PTPRD: variants seen among roughly 807,000 people sequenced by gnomAD.
PTPRD encodes the protein protein tyrosine phosphatase receptor type D, also known as receptor-type tyrosine-protein phosphatase delta.
PTPRD carries 34 observed loss-of-function variants against 214.5 expected under a neutral mutation model. The observed-to-expected ratio is 0.16, with a 90% CI of 0.12 to 0.21. The LOEUF is 0.21. Among genes scored for constraint, PTPRD ranks in the 10% least tolerant of loss-of-function variants. The pLI, the probability that PTPRD is intolerant of heterozygous loss-of-function variation, is 1.00. For synonymous variants in PTPRD, 1,128 were observed against 845.7 expected (o/e 1.33, Z -5.79); for missense variants, 2,545 against 2,398.7 (o/e 1.06, Z -1.27).
intron 11 of PTPRD, among the ~76,000 whole-genome samples, chr9:8,956,126 G>C (rs1193249375): frequency 6.6e-6 from 1 of 151,868 alleles, no homozygotes; most frequent in Non-Finnish European, 1.5e-5. Flanking sequence ...TACAATGTCA[G>C]AAACATAAGG....
At chr9:10,429,612 T>G (rs1484937366) in intron 2 of PTPRD, among the ~76,000 whole-genome samples, 1 of 151,452 alleles carries the variant, frequency 6.6e-6, no homozygotes, top group Non-Finnish European at 1.5e-5. Flanking sequence ...CACTCATAAG[T>G]GAGGGATAAA....
chr9:8,630,669 C>T (rs999273132), intron 14 of PTPRD, among the ~76,000 whole-genome samples: 2 of 151,814 alleles, frequency 1.3e-5, no homozygotes, highest in Admixed American at 1.3e-4. Flanking sequence ...AGTATACTTA[C>T]ATATGACAGA....
intron 37 of PTPRD, among the ~76,000 whole-genome samples, chr9:8,388,067 C>T (rs2087867709): frequency 6.6e-6 from 1 of 152,166 alleles, no homozygotes; most frequent in Non-Finnish European, 1.5e-5. Flanking sequence ...TTGAAAAGAT[C>T]TAATTGCTTT....
chr9:9,320,266 T>C (rs192798486), intron 9 of PTPRD, among the ~76,000 whole-genome samples: 10 of 152,244 alleles, frequency 6.6e-5, no homozygotes, highest in South Asian at 2.1e-4. Context: ...ACTTTTTTTT[T>C]CCCTCACATA....
chr9:10,006,499 A>G (rs1251335164), intron 4 of PTPRD, among the ~76,000 whole-genome samples: 2 of 151,994 alleles, frequency 1.3e-5, no homozygotes, highest in East Asian at 3.9e-4. Flanking sequence ...AGAATAAGCT[A>G]TATTTGGATC....
intron 9 of PTPRD, among the ~76,000 whole-genome samples, chr9:9,299,240 A>G (rs1242443068): frequency 1.3e-5 from 2 of 151,794 alleles, no homozygotes; most frequent in African/African-American, 4.8e-5. Context: ...TTAATTAGTG[A>G]AAAAGCAAAT....
chr9:8,975,751 A>G (rs931597224), intron 11 of PTPRD, among the ~76,000 whole-genome samples: 3 of 151,362 alleles, frequency 2.0e-5, no homozygotes, highest in African/African-American at 7.3e-5. Context: ...TTTCCTGCAG[A>G]AAAGATGGAA....
chr9:9,195,885 T>C (rs1051256276), intron 9 of PTPRD, among the ~76,000 whole-genome samples: 1 of 152,280 alleles, frequency 6.6e-6, no homozygotes, highest in African/African-American at 2.4e-5. Context: ...ATTGTTTCAT[T>C]ATTATTAAAT....
chr9:10,451,117 C>G (rs907232258), intron 2 of PTPRD, among the ~76,000 whole-genome samples: 1 of 151,714 alleles, frequency 6.6e-6, no homozygotes, highest in Admixed American at 6.6e-5. Flanking sequence ...TTTAAGTATA[C>G]GTATTTTGAT....
At chr9:9,853,544 T>C (rs1428372416) in intron 5 of PTPRD, among the ~76,000 whole-genome samples, 1 of 152,006 alleles carries the variant, frequency 6.6e-6, no homozygotes, top group African/African-American at 2.4e-5. Context: ...TAAGGGTTTT[T>C]TTTGTTGTTT....
intron 11 of PTPRD, among the ~76,000 whole-genome samples, chr9:8,991,355 T>C (rs1436851402): frequency 2.0e-5 from 3 of 152,306 alleles, no homozygotes; most frequent in East Asian, 1.9e-4. Flanking sequence ...TCTTTTGTTA[T>C]AGGAGTGTCA....
chr9:10,377,212 ATGT>A (rs2097748198), intron 2 of PTPRD, among the ~76,000 whole-genome samples: 1 of 151,900 alleles, frequency 6.6e-6, no homozygotes. Context: ...AATTCCATCC[ATGT>A]TGTTGCAAAT....
chr9:10,244,762 G>T (rs1186276364), intron 3 of PTPRD, among the ~76,000 whole-genome samples: 1 of 152,096 alleles, frequency 6.6e-6, no homozygotes, highest in African/African-American at 2.4e-5. Context: ...AAGTAGGTTT[G>T]CACCTTCTTT....
At chr9:9,090,348 A>G (rs1171506752) in intron 10 of PTPRD, among the ~76,000 whole-genome samples, 1 of 152,160 alleles carries the variant, frequency 6.6e-6, no homozygotes, top group African/African-American at 2.4e-5. Flanking sequence ...AATTAACATA[A>G]TGACCTCCAG....
At chr9:8,374,503 G>C (rs936029889) in intron 39 of PTPRD, among the ~76,000 whole-genome samples, 1 of 151,954 alleles carries the variant, frequency 6.6e-6, no homozygotes, top group African/African-American at 2.4e-5. Context: ...AACTGGAGTG[G>C]CCAGTCCTCA....
intron 3 of PTPRD, among the ~76,000 whole-genome samples, chr9:10,114,075 T>C (rs2098711942): frequency 6.6e-6 from 1 of 152,172 alleles, no homozygotes; most frequent in South Asian, 2.1e-4. Flanking sequence ...TGCAGATGGT[T>C]CTCAGTCCCA....
At chr9:10,442,672 T>G (rs1402737783) in intron 2 of PTPRD, among the ~76,000 whole-genome samples, 1 of 151,586 alleles carries the variant, frequency 6.6e-6, no homozygotes, top group Non-Finnish European at 1.5e-5. Context: ...AATGTTCATT[T>G]GAAAATTTGT....
rs777910266 is a variant in PTPRD at position 9,058,442 on chromosome 9, G to GTT, written c.-142-39709_-142-39708dup. ...TATTGGTGAGAGAAATATTATGAGG[G>GTT]TTTTTTTTTTTTTTTTTTTTTTTTT... On this transcript the variant is annotated intron_variant, in intron 10 of 45. Transcript: ENST00000381196. Among the ~76,000 whole-genome samples the GTT allele has an allele frequency of 9.6e-4, 67 of 69,912 alleles. 13 individuals are homozygous for GTT. The highest frequency in any genetic ancestry group is 1.3e-3 in the Non-Finnish European group (50 of 38,074). The allele number at this position is 69,912 out of a possible 152,430, so 45.9% of individuals were successfully genotyped here. A position where few individuals can be genotyped will look rare whatever the true frequency, so the allele number is the denominator to read the frequency against.
In PTPRD at chr9:8,460,400, G is replaced by T. The variant is rs774366967; in HGVS notation, c.3875+11C>A. The T allele has an allele frequency of 6.2e-7, 1 of 1,610,546 alleles. No individual in the cohort carries two copies. Among genetic ancestry groups the T allele is most frequent in the Non-Finnish European group, 8.5e-7 (1 of 1,178,384 alleles). On this transcript the variant is annotated intron_variant, in intron 33 of 45. Coordinates refer to ENST00000381196, the MANE Select transcript of PTPRD (RefSeq NM_002839.4). ...CTCCAAAATTACAACAGAAATATTG[G>T]GCAAACCTACCTTTTATAAAGAAGA... is the stretch of plus-strand genomic sequence containing the variant.
Sources: allele counts gnomAD v4.1 joint callset (sites outside exome capture counted in the v4.1 genomes callset), GRCh38; gene constraint gnomAD v4.1.1; transcripts MANE v1.5; gene names NCBI Gene and HGNC (gene_info 2026-07-23, HGNC 2026-07-21).